IQSEC1: variants seen among roughly 807,000 people sequenced by gnomAD.
The protein encoded by IQSEC1 is IQ motif and SEC7 domain-containing protein 1.
Under a neutral mutation model 91.0 loss-of-function variants are expected in IQSEC1, and 31 were observed. The ratio of observed to expected loss-of-function variants is 0.34; its 90% CI spans 0.26 to 0.46. IQSEC1 has a LOEUF of 0.46. Among genes scored for constraint, IQSEC1 ranks in the 20% least tolerant of loss-of-function variants. The pLI is 1.00. For synonymous variants in IQSEC1, 699 were observed against 662.6 expected (o/e 1.05, Z -0.84); for missense variants, 1,388 against 1,575.6 (o/e 0.88, Z 2.02).
chr3:13,148,860 C>T (rs1706941942), intron 2 of IQSEC1, among the ~76,000 whole-genome samples: 1 of 152,282 alleles, frequency 6.6e-6, no homozygotes, highest in Non-Finnish European at 1.5e-5. Context: ...GAATGCAGCC[C>T]TGGAGCAGGG....
At chr3:13,229,581 G>A (rs1163704975) in intron 1 of IQSEC1, among the ~76,000 whole-genome samples, 2 of 152,162 alleles carry the variant, frequency 1.3e-5, no homozygotes, top group Non-Finnish European at 2.9e-5. Flanking sequence ...GGAGGAGGGG[G>A]GACCTTGAGG....
rs114494771 is a variant in IQSEC1, at chr3:13,135,009, G to T, written c.302+29095C>A. On this transcript the variant is annotated intron_variant, in intron 2 of 15. Coordinates refer to the IQSEC1 transcript ENST00000648114. ...GACCATTCCCCAGGAGGCAGAGCTC[G>T]GGCCTGGTCAGGGTCAGAAGGAACT... Among the ~76,000 whole-genome samples the T allele has an allele frequency of 1.9e-3, 287 of 152,280 alleles. 4 individuals carry two copies. The highest frequency in any genetic ancestry group is 6.6e-3 in the African/African-American group (276 of 41,578).
At chr3:13,014,974 C>G (rs1320382282) in intron 1 of IQSEC1, among the ~76,000 whole-genome samples, 1 of 152,146 alleles carries the variant, frequency 6.6e-6, no homozygotes, top group Non-Finnish European at 1.5e-5. Flanking sequence ...AAGGCAGTGT[C>G]TCCTCAACAC....
In IQSEC1 at chr3:12,935,739, C is replaced by T. The variant is rs756600213; in HGVS notation, c.1277G>A (p.Arg426Gln). The T allele has an allele frequency of 8.3e-5, 133 of 1,610,632 alleles. No homozygotes were observed. Among genetic ancestry groups the T allele is most frequent in the African/African-American group, 3.2e-4 (24 of 74,798 alleles). Residue 426 changes from arginine (R) to glutamine (Q), a missense_variant, in exon 3 of 14, where the codon CGG becomes CAG. By Grantham distance (43) the Arg-to-Gln change is conservative. This residue lies in a region of IQSEC1 where 1,059 missense variants were observed against 1,317.8 expected (regional missense o/e 0.80). Coordinates refer to ENST00000613206, the MANE Select transcript of IQSEC1 (RefSeq NM_001134382.3). This position sits in a 1 kb window ranked among gnomAD's most constrained non-coding sequence, Gnocchi z 8.0. ...GTGGCTGTCCAGGGGCCTGGGGGGCCGGGGCCGCAACTCAGGCTCCTCCCG... is the reference window on the plus strand; with the variant it reads ...GTGGCTGTCCAGGGGCCTGGGGGGCTGGGGCCGCAACTCAGGCTCCTCCCG... ...LPREEPELRP[R>Q]PPRPLDSHLA...
chr3:13,144,298 A>G (rs939324710), intron 2 of IQSEC1, among the ~76,000 whole-genome samples: 6 of 152,182 alleles, frequency 3.9e-5, no homozygotes, highest in African/African-American at 1.2e-4. Flanking sequence ...CTGCCTAGAA[A>G]GCCGTGTGCT....
chr3:13,004,505 G>C (rs1702551996), intron 1 of IQSEC1, among the ~76,000 whole-genome samples: 1 of 152,112 alleles, frequency 6.6e-6, no homozygotes, highest in Non-Finnish European at 1.5e-5. Flanking sequence ...ATTTGTGTCT[G>C]AATCACCTCT....
intron 2 of IQSEC1, among the ~76,000 whole-genome samples, chr3:13,098,538 G>A (rs1294457196): frequency 1.3e-5 from 2 of 152,174 alleles, no homozygotes; most frequent in Non-Finnish European, 1.5e-5. Context: ...AAAATAGGAG[G>A]ATGGAGAGGG....
chr3:12,920,319 G>A (rs1240530260), intron 6 of IQSEC1, 111 bp downstream of exon 6: 7 of 1,099,282 alleles, frequency 6.4e-6, no homozygotes, highest in Non-Finnish European at 9.5e-6. Flanking sequence ...GAGTGCCGGA[G>A]CACAGCTCCC....
Position 12,970,547 on chromosome 3 carries a change from T to C in IQSEC1, c.24-28682A>G, listed in dbSNP as rs1418655244. Among the ~76,000 whole-genome samples the C allele has an allele frequency of 1.3e-5, 2 of 151,962 alleles. No individual in the cohort carries two copies. Among genetic ancestry groups the C allele is most frequent in the African/African-American group, 4.8e-5 (2 of 41,352 alleles). The stretch of plus-strand genomic sequence containing the variant: ...CCCAAAGCCCAGCCTTTGCAGCCCC[T>C]CTCTCCAAGCTGTCAGGATCAAGCC... On this transcript the variant is annotated intron_variant, in intron 1 of 13. Transcript: ENST00000613206. The surrounding 1 kb of genome is among the most constrained non-coding windows in gnomAD (Gnocchi z 4.4).
At chr3:13,174,719 C>T (rs1693691156) in intron 1 of IQSEC1, among the ~76,000 whole-genome samples, 1 of 152,174 alleles carries the variant, frequency 6.6e-6, no homozygotes, top group Non-Finnish European at 1.5e-5. Flanking sequence ...GTCTGCCCTG[C>T]ACACACAGCC....
At chr3:13,267,427 C>G (rs939145930) in intron 1 of IQSEC1, among the ~76,000 whole-genome samples, 2 of 152,136 alleles carry the variant, frequency 1.3e-5, no homozygotes, top group Non-Finnish European at 2.9e-5. Flanking sequence ...AAACAATCCA[C>G]ACAAAGAAGA....
At chr3:13,139,486 G>A (rs569574655) in intron 2 of IQSEC1, among the ~76,000 whole-genome samples, 56 of 152,302 alleles carry the variant, frequency 3.7e-4, no homozygotes, top group African/African-American at 1.2e-3. Flanking sequence ...GACCCCTGAG[G>A]GGCCACAGTC....
At chr3:13,064,471 G>T (rs2125096152) in intron 1 of IQSEC1, among the ~76,000 whole-genome samples, 1 of 152,338 alleles carries the variant, frequency 6.6e-6, no homozygotes, top group Non-Finnish European at 1.5e-5. Context: ...AATTTGTCAT[G>T]TTAATCGTGG....
chr3:13,242,940 G>A (rs534099569), intron 1 of IQSEC1, among the ~76,000 whole-genome samples: 1 of 152,062 alleles, frequency 6.6e-6, no homozygotes, highest in Non-Finnish European at 1.5e-5. Context: ...CCACACATGT[G>A]GGGGGCCCTA....
intron 2 of IQSEC1, among the ~76,000 whole-genome samples, chr3:13,092,514 G>A (rs1273958795): frequency 3.3e-5 from 5 of 152,112 alleles, no homozygotes; most frequent in East Asian, 1.9e-4. Context: ...CCCAGGAACT[G>A]AGATGCTGCC....
chr3:13,111,825 T>C (rs868725786), intron 2 of IQSEC1, among the ~76,000 whole-genome samples: 2 of 152,320 alleles, frequency 1.3e-5, no homozygotes, highest in Middle Eastern at 3.4e-3. Context: ...ACCAGCAACC[T>C]GACCTTGATC....
intron 1 of IQSEC1, among the ~76,000 whole-genome samples, chr3:13,172,262 G>A (rs1693631198): frequency 6.6e-6 from 1 of 152,220 alleles, no homozygotes; most frequent in African/African-American, 2.4e-5. Flanking sequence ...GTTTGCGGCT[G>A]GGGAGTAGAT....
intron 1 of IQSEC1, among the ~76,000 whole-genome samples, chr3:13,269,292 G>A (rs1284697760): frequency 6.6e-6 from 1 of 152,226 alleles, no homozygotes; most frequent in Non-Finnish European, 1.5e-5. Context: ...AGGTGGGACT[G>A]AGAAGGCAGC....
intron 1 of IQSEC1, among the ~76,000 whole-genome samples, chr3:13,194,694 G>T (rs1694095958): frequency 6.6e-6 from 1 of 152,038 alleles, no homozygotes; most frequent in Non-Finnish European, 1.5e-5. Flanking sequence ...AAGACTGAGA[G>T]GCGAGGTCCG....
Sources: allele counts gnomAD v4.1 joint callset (sites outside exome capture counted in the v4.1 genomes callset), GRCh38; gene constraint gnomAD v4.1.1; regional missense constraint gnomAD v4.1.1; non-coding constraint Gnocchi (gnomAD v3.1); transcripts MANE v1.5; gene names NCBI Gene and HGNC (gene_info 2026-07-23, HGNC 2026-07-21).